GRID2IP: variants seen among roughly 807,000 people sequenced by gnomAD.
GRID2IP encodes Grid2 interacting protein, also known as delphilin.
In GRID2IP, 78 loss-of-function variants were observed where a neutral mutation model predicts 114.3. The ratio of observed to expected loss-of-function variants is 0.68; its 90% CI spans 0.57 to 0.82. GRID2IP has a LOEUF of 0.82. Among genes scored for constraint, GRID2IP ranks in the 40% least tolerant of loss-of-function variants. The pLI is 0.00. For synonymous variants in GRID2IP, 809 were observed against 724.0 expected (o/e 1.12, Z -1.89); for missense variants, 1,727 against 1,678.5 (o/e 1.03, Z -0.51).
intron 20 of GRID2IP, among the ~76,000 whole-genome samples, chr7:6,499,912 G>C (rs1786364779): frequency 6.6e-6 from 1 of 151,638 alleles, no homozygotes; most frequent in Non-Finnish European, 1.5e-5. Flanking sequence ...AAATTATTCT[G>C]TAGAGACGCG....
intron 10 of GRID2IP, 36 bp downstream of exon 10, chr7:6,510,573 C>T (rs1203566383): frequency 4.8e-6 from 7 of 1,473,458 alleles, no homozygotes; most frequent in Non-Finnish European, 6.4e-6. Flanking sequence ...TCCCTGCCCC[C>T]TACTGACCCC....
intron 8 of GRID2IP, among the ~76,000 whole-genome samples, chr7:6,514,030 G>A (rs1371947021): frequency 6.6e-6 from 1 of 151,580 alleles, no homozygotes; most frequent in Admixed American, 6.6e-5. Context: ...GAGGTGGGTG[G>A]ATCATGAGGT....
In GRID2IP at chr7:6,519,243, C is replaced by T. The variant is rs1055294170; in HGVS notation, c.1268+1335G>A. On this transcript the variant is annotated intron_variant, in intron 7 of 21. Coordinates refer to ENST00000457091, the MANE Select transcript of GRID2IP (RefSeq NM_001145118.2). This position sits in a 1 kb window ranked among gnomAD's most constrained non-coding sequence, Gnocchi z 4.1. ...GATGTGATGAAGTTTTAAAATGGACCGTGGTGATGTTTGCACGTATTTGTG... is the reference window on the plus strand; with the variant it reads ...GATGTGATGAAGTTTTAAAATGGACTGTGGTGATGTTTGCACGTATTTGTG... Among the ~76,000 whole-genome samples, 16 of 152,082 alleles carry T rather than the reference C, an allele frequency of 1.1e-4. No homozygotes were observed. Among genetic ancestry groups the T allele is most frequent in the East Asian group, 9.7e-4 (5 of 5,178 alleles).
chr7:6,542,476 T>A (rs927956868), intron 1 of GRID2IP, among the ~76,000 whole-genome samples: 1 of 151,946 alleles, frequency 6.6e-6, no homozygotes, highest in African/African-American at 2.4e-5. Context: ...CAACATAGCA[T>A]GACCCCATTT....
rs1306006081 is a variant in GRID2IP at position 6,526,684 on chromosome 7, C to G, written c.670G>C (p.Ala224Pro). ...CGGCGCAGTCGCTGCGCGCCCTGGG[C>G]CCGGCGTGCGCGGCACAGCTTGCCC... ...LLGKLCRARR[A>P]QGAQRLRRSR... Residue 224 changes from alanine (A) to proline (P), a missense_variant, in exon 3 of 22, where the codon GCC becomes CCC. Transcript: ENST00000457091. The surrounding 1 kb of genome is among the most constrained non-coding windows in gnomAD (Gnocchi z 7.6). The G allele has an allele frequency of 3.4e-6, 5 of 1,484,500 alleles. No individual in the cohort carries two copies. The highest frequency in any genetic ancestry group is 4.5e-6 in the Non-Finnish European group (5 of 1,119,692). 92.0% of individuals were successfully genotyped at this position (1,484,500 alleles called of 1,614,324 possible).
chr7:6,532,763 T>A lies in GRID2IP; in HGVS notation c.585-5994A>T, dbSNP rs1779657470. ...GTGGCCCAGAATCCAGAACCACACA[T>A]GGCCAAAGGCTCTGAAAACCATCCA... On this transcript the variant is annotated intron_variant, in intron 2 of 21. Coordinates refer to ENST00000457091, the MANE Select transcript of GRID2IP (RefSeq NM_001145118.2). The surrounding 1 kb of genome is among the most constrained non-coding windows in gnomAD (Gnocchi z 4.4). Among the ~76,000 whole-genome samples the A allele has an allele frequency of 6.6e-6, 1 of 152,188 alleles. No homozygotes were observed. Among genetic ancestry groups the A allele is most frequent in the South Asian group, 2.1e-4 (1 of 4,834 alleles).
rs1190162105 is a variant in GRID2IP at position 6,547,386 on chromosome 7, T to C, written c.429+3622A>G. 4.0e-5 allele frequency among the ~76,000 whole-genome samples: 6 copies of C among 151,872 alleles called. No homozygotes were observed. In the East Asian group the frequency reaches 9.7e-4, roughly 25 times the overall value. The stretch of plus-strand genomic sequence containing the variant: ...CAAGACCTCATCTCCCCAGTCTTTT[T>C]TTTTTTTCTTAATCAGCCAGGTGTG... On this transcript the variant is annotated intron_variant, in intron 1 of 21. Transcript: ENST00000457091.
intron 1 of GRID2IP, among the ~76,000 whole-genome samples, chr7:6,541,940 C>A (rs948705584): frequency 1.3e-5 from 2 of 152,126 alleles, no homozygotes; most frequent in African/African-American, 4.8e-5. Flanking sequence ...ACAGTGGGGG[C>A]TAAATAATTG....
At chr7:6,525,721 T>G (rs1053865579) in intron 4 of GRID2IP, among the ~76,000 whole-genome samples, 10 of 152,172 alleles carry the variant, frequency 6.6e-5, no homozygotes, top group African/African-American at 2.2e-4. Flanking sequence ...GAAGTCCATA[T>G]TCAGCAGGTG....
At position 6,507,187 on chromosome 7, in the gene GRID2IP, G is replaced by A. The variant is rs1026434146; in HGVS notation, c.2544+798C>T. 1.3e-5 allele frequency among the ~76,000 whole-genome samples: 2 copies of A among 152,198 alleles called. No individual in the cohort carries two copies. The highest frequency in any genetic ancestry group is 2.9e-5 in the Non-Finnish European group (2 of 68,042). Reference sequence around the variant, plus strand: ...TGGTGATCATGAGCACTGGGACGGGGCAGCCCTGGGAGCTGGAAGGAGCCC... The same window carrying A: ...TGGTGATCATGAGCACTGGGACGGGACAGCCCTGGGAGCTGGAAGGAGCCC... On this transcript the variant is annotated intron_variant, in intron 13 of 21. Transcript: ENST00000457091. This position sits in a 1 kb window ranked among gnomAD's most constrained non-coding sequence, Gnocchi z 5.3.
At chr7:6,510,498 A>T (rs954775593) in intron 10 of GRID2IP, 98 bp from the exon 11 acceptor site, 2 of 1,283,560 alleles carry the variant, frequency 1.6e-6, no homozygotes, top group Admixed American at 5.8e-5. Flanking sequence ...GATATGCCCC[A>T]GCCTGAAGCA....
Position 6,509,502 on chromosome 7 carries a change from G to C in GRID2IP, c.1772-189C>G, listed in dbSNP as rs1786701451. On this transcript the variant is annotated intron_variant, in intron 11 of 21. Transcript: ENST00000457091. This position sits in a 1 kb window ranked among gnomAD's most constrained non-coding sequence, Gnocchi z 4.9. ...AGCATGACTAAAGGCCAGATCTGGT[G>C]AGCAGGAGCACTGCTCGGCCTCAGG... Among the ~76,000 whole-genome samples, 2 of 152,182 alleles carry C rather than the reference G, an allele frequency of 1.3e-5. No homozygotes were observed. Among genetic ancestry groups the C allele is most frequent in the Admixed American group, 1.3e-4 (2 of 15,278 alleles).
In GRID2IP at chr7:6,549,364, T is replaced by G. The variant is rs576686857; in HGVS notation, c.429+1644A>C. On this transcript the variant is annotated intron_variant, in intron 1 of 21. Transcript: ENST00000457091. ...TCCTGCAGGTGACTCAGGCCTTGGG[T>G]TCTTCTTGTGGCTAGAGGTCTGATC... Among the ~76,000 whole-genome samples the G allele has an allele frequency of 2.0e-5, 3 of 152,314 alleles. No homozygotes were observed. The East Asian group carries it at 5.8e-4, about 29-fold the overall frequency.
chr7:6,504,284 G>C (rs1786510442), intron 15 of GRID2IP, among the ~76,000 whole-genome samples: 1 of 151,644 alleles, frequency 6.6e-6, no homozygotes, highest in African/African-American at 2.4e-5. Flanking sequence ...CGGGGGGAGA[G>C]GGCGGGGCCC....
rs1280829650 is a variant in GRID2IP, at chr7:6,507,156, G to A, written c.2544+829C>T. ...ATTGATCCCAAGAAGATGGAGTTGA[G>A]GATGATGGTGATCATGAGCACTGGG... On this transcript the variant is annotated intron_variant, in intron 13 of 21. Coordinates refer to ENST00000457091, the MANE Select transcript of GRID2IP (RefSeq NM_001145118.2). This position sits in a 1 kb window ranked among gnomAD's most constrained non-coding sequence, Gnocchi z 5.3. 6.6e-6 allele frequency among the ~76,000 whole-genome samples: 1 copy of A among 152,208 alleles called. No homozygotes were observed. Among genetic ancestry groups the A allele is most frequent in the African/African-American group, 2.4e-5 (1 of 41,464 alleles).
At chr7:6,545,659 C>T (rs1779877380) in intron 1 of GRID2IP, among the ~76,000 whole-genome samples, 1 of 152,226 alleles carries the variant, frequency 6.6e-6, no homozygotes, top group South Asian at 2.1e-4. Context: ...GTCTCCCCCA[C>T]CCAGGTGTGA....
chr7:6,549,294 G>A (rs190632668), intron 1 of GRID2IP, among the ~76,000 whole-genome samples: 1 of 152,174 alleles, frequency 6.6e-6, no homozygotes, highest in Non-Finnish European at 1.5e-5. Flanking sequence ...CCAGCCCTGG[G>A]TCTCTAAATG....
intron 1 of GRID2IP, among the ~76,000 whole-genome samples, chr7:6,550,532 C>T (rs762948584): frequency 6.6e-6 from 1 of 151,552 alleles, no homozygotes. Context: ...AAAATTAGGC[C>T]GGGCGCAGTG....
At chr7:6,511,185 C>T (rs780612419) in intron 8 of GRID2IP, 146 bp from the exon 9 acceptor site, 40 of 1,113,512 alleles carry the variant, frequency 3.6e-5, no homozygotes, top group Non-Finnish European at 4.1e-5. Flanking sequence ...TCCAGAACAG[C>T]TCTTGAGGGG....
Sources: allele counts gnomAD v4.1 joint callset (sites outside exome capture counted in the v4.1 genomes callset), GRCh38; gene constraint gnomAD v4.1.1; non-coding constraint Gnocchi (gnomAD v3.1); transcripts MANE v1.5; gene names NCBI Gene and HGNC (gene_info 2026-07-23, HGNC 2026-07-21).